The following PRSS55 variants were observed in gnomAD, a reference collection of about 807,000 sequenced individuals.
PRSS55 encodes the protein probable serine protease UNQ9391/PRO34284.
In PRSS55, 41 loss-of-function variants were observed where a neutral mutation model predicts 23.6. The ratio of observed to expected loss-of-function variants is 1.74; its 90% CI spans 1.35 to 2.26. The LOEUF is 2.26. PRSS55 is among the 30% of genes most tolerant of loss of function. The probability of loss-of-function intolerance (pLI) is 0.00; values close to 1 mark genes in which losing one functional copy is unlikely to be tolerated. For synonymous variants in PRSS55, 262 were observed against 175.5 expected, an observed-to-expected ratio of 1.49 and a Z score of -3.90; for missense variants, 669 against 439.1, an observed-to-expected ratio of 1.52 and a Z score of -4.68.
chr8:10,529,659 A>G lies in PRSS55; in HGVS notation c.307A>G (p.Ile103Val), dbSNP rs1812176242. ...CGGCTCCATCCTCAACAAGTGGTGGATTCTCACTGCGGCTCACTGCTTATA... is the reference window on the plus strand; with the variant it reads ...CGGCTCCATCCTCAACAAGTGGTGGGTTCTCACTGCGGCTCACTGCTTATA... Reference protein sequence around the residue: ...CGGSILNKWWILTAAHCLYSE... With the variant: ...CGGSILNKWWVLTAAHCLYSE... Residue 103 changes from isoleucine (I) to valine (V), a missense_variant, in exon 2 of 5, where the codon ATT becomes GTT. Coordinates refer to ENST00000328655, the MANE Select transcript of PRSS55 (RefSeq NM_198464.4). The G allele has an allele frequency of 6.2e-7, 1 of 1,614,068 alleles. No homozygotes were observed. The highest frequency in any genetic ancestry group is 8.5e-7 in the Non-Finnish European group (1 of 1,180,038).
intron 1 of PRSS55, among the ~76,000 whole-genome samples, chr8:10,527,679 C>T (rs1252053184): frequency 2.0e-5 from 3 of 152,182 alleles, no homozygotes; most frequent in Admixed American, 1.3e-4. Flanking sequence ...TGTTGCCAGC[C>T]GGCCTGGGGC....
Position 10,529,680 on chromosome 8 carries a change from T to C in PRSS55, c.328T>C (p.Leu110=), listed in dbSNP as rs757640174. The C allele has an allele frequency of 2.5e-6, 4 of 1,613,932 alleles. No individual in the cohort carries two copies. Among genetic ancestry groups the C allele is most frequent in the Non-Finnish European group, 3.4e-6 (4 of 1,179,846 alleles). ...KWWILTAAHC[L]YSEELFPEEL... ...GTGGATTCTCACTGCGGCTCACTGC[T>C]TATATTCCGAGGAGCTGTTGTAAGT... Residue 110 remains leucine (L), a synonymous_variant, in exon 2 of 5, where the codon TTA becomes CTA. Transcript: ENST00000328655.
In PRSS55 at chr8:10,533,032, G is replaced by A. The variant is rs780341470; in HGVS notation, c.725G>A (p.Ser242Asn). The change falls in exon 4 of 5, where the codon AGC becomes AAC. Residue 242 changes from serine to asparagine, a missense_variant. By Grantham distance (46) the Ser-to-Asn change is conservative (BLOSUM62 1). Coordinates refer to ENST00000328655, the MANE Select transcript of PRSS55 (RefSeq NM_198464.4). Reference protein sequence around the residue: ...NMLCAGYKNESYDACKGDSGG... With the variant: ...NMLCAGYKNENYDACKGDSGG... ...CTGTGTGCCGGATACAAGAATGAGA[G>A]CTATGATGCCTGCAAGGTAACTAGG... 2.5e-6 allele frequency: 4 copies of A among 1,614,068 alleles called. No individual in the cohort carries two copies. The East Asian group carries it at 8.9e-5, about 36-fold the overall frequency.
rs1383934140 is a variant in PRSS55, at chr8:10,525,687, G to A, written c.102G>A (p.Arg34=). The A allele has an allele frequency of 5.0e-6, 8 of 1,613,778 alleles. No individual in the cohort carries two copies. In the African/African-American group the frequency reaches 5.3e-5, roughly 11 times the overall value. ...AGGCTGGAGTGGCTATCCTAGGCAG[G>A]GCTAGGGGAGCCCACCGCCCTCAGC... is the stretch of plus-strand genomic sequence containing the variant. The part of the protein sequence containing the change: ...LPEAGVAILG[R]ARGAHRPQPP... The change falls in exon 1 of 5, where the codon AGG becomes AGA. Residue 34 remains arginine (R), a synonymous_variant. Coordinates refer to ENST00000328655, the MANE Select transcript of PRSS55 (RefSeq NM_198464.4).
chr8:10,552,304 A>T (rs1812969127), intron 4 of PRSS55, among the ~76,000 whole-genome samples: 1 of 152,216 alleles, frequency 6.6e-6, no homozygotes, highest in Non-Finnish European at 1.5e-5. Flanking sequence ...AAAGCTACGG[A>T]TGGCTGGAGG....
intron 1 of PRSS55, among the ~76,000 whole-genome samples, chr8:10,526,235 G>C (rs1368731336): frequency 6.6e-6 from 1 of 152,226 alleles, no homozygotes; most frequent in African/African-American, 2.4e-5. Context: ...TAGGGGTCGA[G>C]CATTTCCCCA....
At chr8:10,544,875 A>G (rs773388120) in intron 4 of PRSS55, 11 of 377,914 alleles carry the variant, frequency 2.9e-5, no homozygotes, top group Non-Finnish European at 4.0e-5. Context: ...ATACCTCACT[A>G]TAATTGTTAC....
chr8:10,529,665 A>G lies in PRSS55; in HGVS notation c.313A>G (p.Thr105Ala), dbSNP rs1240920499. The change falls in exon 2 of 5, where the codon ACT becomes GCT. Residue 105 changes from threonine (T) to alanine (A), a missense_variant. By Grantham distance (58) the Thr-to-Ala change is moderately conservative (BLOSUM62 0). Transcript: ENST00000328655. ...CATCCTCAACAAGTGGTGGATTCTC[A>G]CTGCGGCTCACTGCTTATATTCCGA... ...GSILNKWWIL[T>A]AAHCLYSEEL... 1.9e-6 allele frequency: 3 copies of G among 1,614,100 alleles called. No individual in the cohort carries two copies. The highest frequency in any genetic ancestry group is 2.5e-6 in the Non-Finnish European group (3 of 1,179,978).
chr8:10,528,502 G>A (rs1474179986), intron 1 of PRSS55, among the ~76,000 whole-genome samples: 1 of 152,204 alleles, frequency 6.6e-6, no homozygotes, highest in African/African-American at 2.4e-5. Context: ...CTCTTCCTGG[G>A]GCGAGGAGCT....
chr8:10,529,153 T>A (rs564059684), intron 1 of PRSS55, among the ~76,000 whole-genome samples: 3 of 152,202 alleles, frequency 2.0e-5, no homozygotes, highest in Admixed American at 1.3e-4. Context: ...TTGGGGGCTA[T>A]TGTCCTGCCC....
chr8:10,551,398 AC>A (rs1212209827), intron 4 of PRSS55, among the ~76,000 whole-genome samples: 1 of 152,188 alleles, frequency 6.6e-6, no homozygotes, highest in Non-Finnish European at 1.5e-5. Flanking sequence ...GTGCTGGGAA[AC>A]ACAAAGACAG....
intron 4 of PRSS55, among the ~76,000 whole-genome samples, chr8:10,550,686 A>C (rs1282019111): frequency 1.3e-5 from 2 of 152,068 alleles, no homozygotes; most frequent in African/African-American, 4.8e-5. Flanking sequence ...CTTGATGATA[A>C]CTGTGTTACC....
At chr8:10,533,152 G>C (rs777778091) in intron 4 of PRSS55, 104 bp downstream of exon 4, 7 of 1,261,944 alleles carry the variant, frequency 5.5e-6, no homozygotes, top group African/African-American at 1.5e-5. Flanking sequence ...TCTGAGTCTG[G>C]AAAATGTATG....
downstream of PRSS55, among the ~76,000 whole-genome samples, chr8:10,543,201 G>A (rs1433693427): frequency 6.6e-6 from 1 of 152,024 alleles, no homozygotes; most frequent in African/African-American, 2.4e-5. Flanking sequence ...AACTTCACCT[G>A]GGACATGCAC....
chr8:10,538,843 C>T (rs137855418), downstream of PRSS55: 1,855 of 1,483,948 alleles, frequency 1.3e-3, 15 homozygotes, highest in East Asian at 0.025. Context: ...CATGCAAGTG[C>T]GTCTCCAGCA....
At chr8:10,536,843 A>C (rs541182450) in intron 4 of PRSS55, among the ~76,000 whole-genome samples, 1 of 152,304 alleles carries the variant, frequency 6.6e-6, no homozygotes, top group Non-Finnish European at 1.5e-5. Flanking sequence ...AGAGGGGAAC[A>C]ATAGACACCA....
Position 10,538,758 on chromosome 8 carries a change from CT to C in PRSS55, c.1025del (p.Leu342ArgfsTer?). 6.2e-7 allele frequency: 1 copy of C among 1,603,896 alleles called. No individual in the cohort carries two copies. Among genetic ancestry groups the C allele is most frequent in the South Asian group, 1.1e-5 (1 of 89,608 alleles). On this transcript the variant is annotated frameshift_variant, in exon 5 of 5. Transcript: ENST00000328655. LOFTEE classifies it low-confidence loss of function (END_TRUNC). ...CAGATCCTGGCTCCTGCTCTGTCCC[CT>C]GTCCCATGTGTTGTTCAGAGCTATT... ...SPRSWLLLCP[L>X]SHVLFRAILY
chr8:10,529,711 G>A lies in PRSS55; in HGVS notation c.347+12G>A, dbSNP rs1812179406. The A allele has an allele frequency of 6.2e-7, 1 of 1,604,874 alleles. No homozygotes were observed. ...TCCGAGGAGCTGTTGTAAGTACCAT[G>A]GGCCTCCCACTGCCACCTCTCAGGG... On this transcript the variant is annotated intron_variant, in intron 2 of 4. Coordinates refer to ENST00000328655, the MANE Select transcript of PRSS55 (RefSeq NM_198464.4).
chr8:10,544,776 C>T (rs767239399), intron 4 of PRSS55, among the ~76,000 whole-genome samples: 17 of 152,196 alleles, frequency 1.1e-4, no homozygotes, highest in Non-Finnish European at 1.9e-4. Context: ...GAGATCAAAA[C>T]TTTCTTCCTA....
Sources: gnomAD v4.1 joint callset for allele counts (sites outside exome capture counted in the v4.1 genomes callset) on GRCh38, gnomAD v4.1.1 for gene constraint, MANE v1.5 for transcripts, NCBI Gene and HGNC (gene_info 2026-07-23, HGNC 2026-07-21) for gene names.